Variants in TRIM45 observed in about 807,000 individuals in gnomAD.
TRIM45 encodes the protein tripartite motif containing 45.
A neutral mutation model predicts 46.7 loss-of-function variants in TRIM45; 45 were observed. That is an observed-to-expected ratio of 0.96 (90% CI 0.76 to 1.24). The LOEUF is 1.24. Among genes scored for constraint, TRIM45 ranks in the 50% most tolerant of loss-of-function variants. TRIM45 has a pLI of 0.00. For synonymous variants in TRIM45, 259 were observed against 285.8 expected (o/e 0.91, Z 0.94); for missense variants, 680 against 728.4 (o/e 0.93, Z 0.77).
At position 117,118,628 on chromosome 1, in the gene TRIM45, C is replaced by G; in HGVS notation, c.628G>C (p.Val210Leu). 1 of 1,614,104 alleles carries G rather than the reference C, an allele frequency of 6.2e-7. No individual in the cohort carries two copies. Among genetic ancestry groups the G allele is most frequent in the Non-Finnish European group, 8.5e-7 (1 of 1,180,042 alleles). Residue 210 changes from valine (V) to leucine (L), a missense_variant, in exon 2 of 6, where the codon GTG becomes CTG. Val to Leu is a conservative substitution (Grantham distance 32). This residue lies in a region of TRIM45 where 349 missense variants were observed against 343.6 expected (regional missense o/e 1.02). Coordinates refer to ENST00000256649, the MANE Select transcript of TRIM45 (RefSeq NM_025188.4). The surrounding 1 kb of genome is among the most constrained non-coding windows in gnomAD (Gnocchi z 5.7). ...TCCCCCACCACACAATCCTGGCACACGGGCCGGTCACAGAACTCACAGAAC... is the reference window on the plus strand; with the variant it reads ...TCCCCCACCACACAATCCTGGCACAGGGGCCGGTCACAGAACTCACAGAAC... ...RLFCEFCDRPVCQDCVVGEHR... is the reference protein window; with the variant it reads ...RLFCEFCDRPLCQDCVVGEHR...
At chr1:117,112,555 A>C (rs762143489) in intron 5 of TRIM45, 102 bp from the exon 6 acceptor site, 65 of 1,161,066 alleles carry the variant, frequency 5.6e-5, no homozygotes, top group Non-Finnish European at 7.3e-5. Flanking sequence ...ATGCAGATTC[A>C]TGGGAGTGAA....
rs770042941 is a variant in TRIM45 at position 117,112,372 on chromosome 1, T to G, written c.1676A>C (p.Lys559Thr). 1 of 1,614,078 alleles carries G rather than the reference T, an allele frequency of 6.2e-7. No individual in the cohort carries two copies. The highest frequency in any genetic ancestry group is 1.3e-5 in the African/African-American group (1 of 75,036). Reference sequence around the variant, plus strand: ...CCCACCTGTCCATGTGCATTCAGATTTCTCATTAAATTTTCCACAGCATGA... The same window carrying G: ...CCCACCTGTCCATGTGCATTCAGATGTCTCATTAAATTTTCCACAGCATGA... The part of the protein sequence containing the change: ...HWSCCGKFNE[K>T]SECTWTGGQS... Residue 559 changes from lysine (K) to threonine (T), a missense_variant, in exon 6 of 6, where the codon AAA becomes ACA. By Grantham distance (78) the Lys-to-Thr change is moderately conservative. Around this residue, in one of 3 missense-constraint regions of TRIM45, gnomAD observed 322 missense variants for 359.3 expected, o/e 0.90. Transcript: ENST00000256649.
In TRIM45 at chr1:117,114,249, A is replaced by C. The variant is rs578141806; in HGVS notation, c.1468-764T>G. On this transcript the variant is annotated intron_variant, in intron 4 of 5. Transcript: ENST00000256649. ...TAATTCTCAAATTAGTAACTCTCCC[A>C]TCTGCCCCCTTTCCTTTAAGGATAA... Among the ~76,000 whole-genome samples the C allele has an allele frequency of 6.2e-4, 94 of 152,302 alleles. 1 individual carries two copies. The highest frequency in any genetic ancestry group is 1.8e-3 in the Admixed American group (27 of 15,304).
At chr1:117,122,470 G>C (rs932599879), upstream of TRIM45, 1 of 152,360 alleles carries the variant, frequency 6.6e-6, no homozygotes, top group East Asian at 1.9e-4. Flanking sequence ...TACTTCGGCC[G>C]GGCCAGGGAG....
rs1178382601 is a variant in TRIM45 at position 117,121,384 on chromosome 1, G to C, written c.-183C>G. 1.5e-6 allele frequency: 1 copy of C among 673,226 alleles called. No individual in the cohort carries two copies. Among genetic ancestry groups the C allele is most frequent in the Non-Finnish European group, 2.4e-6 (1 of 411,058 alleles). The allele number at this position is 673,226 out of a possible 1,614,324, so 41.7% of individuals were successfully genotyped here. ...GGCGTCCTCGAAGGAATCACCCACA[G>C]ATCTACTCAGGAGGGCCCCCTCCTT... On this transcript the variant is annotated 5_prime_UTR_variant, in exon 1 of 6. In the 5' UTR this introduces an upstream ATG that the reference lacks. Transcript: ENST00000256649. The surrounding 1 kb of genome is among the most constrained non-coding windows in gnomAD (Gnocchi z 4.2).
At position 117,118,104 on chromosome 1, in the gene TRIM45, A is replaced by T. The variant is rs767246681; in HGVS notation, c.1152T>A (p.Arg384=). Residue 384 remains arginine (R), a synonymous_variant, in exon 2 of 6, where the codon CGT becomes CGA. Coordinates refer to ENST00000256649, the MANE Select transcript of TRIM45 (RefSeq NM_025188.4). The surrounding 1 kb of genome is among the most constrained non-coding windows in gnomAD (Gnocchi z 5.7). ...FCPQEKAGQC[R]GYEIYGTINT... is the part of the protein sequence containing the mutation. The stretch of plus-strand genomic sequence containing the variant: ...TAATCGTACCATAAATTTCATAGCC[A>T]CGGCACTGGCCTGCTTTCTCCTGAG... 9.9e-6 allele frequency: 16 copies of T among 1,614,190 alleles called. No individual in the cohort carries two copies. The South Asian group carries it at 1.6e-4, about 17-fold the overall frequency.
In TRIM45 at chr1:117,117,972, A is replaced by AT. The variant is rs1557847272; in HGVS notation, c.1222+61dup. ...TGCTTCCTAGCAGAACAAGCCACCA[A>AT]TCTTCACACACCACCTCCCTGTCCA... On this transcript the variant is annotated intron_variant, in intron 2 of 5. Transcript: ENST00000256649. This position sits in a 1 kb window ranked among gnomAD's most constrained non-coding sequence, Gnocchi z 4.9. The AT allele has an allele frequency of 1.9e-6, 3 of 1,561,874 alleles. No homozygotes were observed. The African/African-American group carries it at 4.1e-5, about 21-fold the overall frequency.
intron 1 of TRIM45, among the ~76,000 whole-genome samples, chr1:117,120,358 T>G (rs1004282502): frequency 6.6e-6 from 1 of 152,168 alleles, no homozygotes; most frequent in African/African-American, 2.4e-5. Context: ...TCTGTAAGAG[T>G]TGCAAGATCG....
rs1415569888 is a variant in TRIM45 at position 117,118,524 on chromosome 1, A to T, written c.732T>A (p.Gly244=). The T allele has an allele frequency of 1.9e-6, 3 of 1,614,070 alleles. No individual in the cohort carries two copies. In the East Asian group the frequency reaches 6.7e-5, roughly 36 times the overall value. Residue 244 remains glycine (G), a synonymous_variant, in exon 2 of 6, where the codon GGT becomes GGA. Transcript: ENST00000256649. This position sits in a 1 kb window ranked among gnomAD's most constrained non-coding sequence, Gnocchi z 5.7. The part of the protein sequence containing the change: ...HGDSVWELLK[G]TQPHVEALEE... ...CCAGGGCCTCCACGTGGGGCTGAGT[A>T]CCTTTGAGGAGCTCCCACACAGAGT... is the stretch of plus-strand genomic sequence containing the variant.
rs1443761086 is a variant in TRIM45 at position 117,116,998 on chromosome 1, G to A, written c.1223-253C>T. Reference sequence around the variant, plus strand: ...CCTTACCTTCAGTCCTAGGACTGAAGGTCCTATGCTTTAAAAATACTCACG... The same window carrying A: ...CCTTACCTTCAGTCCTAGGACTGAAAGTCCTATGCTTTAAAAATACTCACG... On this transcript the variant is annotated intron_variant, in intron 2 of 5. Transcript: ENST00000256649. This position sits in a 1 kb window ranked among gnomAD's most constrained non-coding sequence, Gnocchi z 4.6. 6.6e-6 allele frequency among the ~76,000 whole-genome samples: 1 copy of A among 151,906 alleles called. No homozygotes were observed. The highest frequency in any genetic ancestry group is 1.5e-5 in the Non-Finnish European group (1 of 67,970).
At chr1:117,123,771 A>C (rs967922312), upstream of TRIM45, among the ~76,000 whole-genome samples, 4 of 152,176 alleles carry the variant, frequency 2.6e-5, no homozygotes, top group Non-Finnish European at 4.4e-5. Flanking sequence ...CTGGAATTAC[A>C]GGCATGCACC....
chr1:117,118,347 C>T lies in TRIM45; in HGVS notation c.909G>A (p.Arg303=), dbSNP rs769726857. ...DKLLKQLEDI[R]AQKENSLQLQ... is the part of the protein sequence containing the mutation. ...GCTGCAGGGAATTTTCCTTCTGGGC[C>T]CGTATGTCTTCCAGCTGCTTCAGCA... Residue 303 remains arginine, a synonymous_variant, in exon 2 of 6, where the codon CGG becomes CGA. Transcript: ENST00000256649. This position sits in a 1 kb window ranked among gnomAD's most constrained non-coding sequence, Gnocchi z 5.7. 1.4e-5 allele frequency: 22 copies of T among 1,614,178 alleles called. No individual in the cohort carries two copies. The highest frequency in any genetic ancestry group is 1.8e-5 in the Non-Finnish European group (21 of 1,180,030).
At position 117,112,279 on chromosome 1, in the gene TRIM45, G is replaced by T; in HGVS notation, c.*26C>A. The T allele has an allele frequency of 6.5e-7, 1 of 1,530,306 alleles. No individual in the cohort carries two copies. The highest frequency in any genetic ancestry group is 2.4e-5 in the East Asian group (1 of 41,692). 94.8% of individuals were successfully genotyped at this position (1,530,306 alleles called of 1,614,324 possible). On this transcript the variant is annotated 3_prime_UTR_variant, in exon 6 of 6. Transcript: ENST00000256649. ...GAAATCTCAAGTGGTGCTGCCTGCAGCTTTAAAAGGCTGAGCACAAACCCA... is the reference window on the plus strand; with the variant it reads ...GAAATCTCAAGTGGTGCTGCCTGCATCTTTAAAAGGCTGAGCACAAACCCA...
At chr1:117,123,041 GAAAAAA>G (rs11355900), upstream of TRIM45, among the ~76,000 whole-genome samples, 1 of 140,778 alleles carries the variant, frequency 7.1e-6, no homozygotes, top group Non-Finnish European at 1.5e-5. Flanking sequence ...CCCAAAATAT[GAAAAAA>G]AAAAAAAAAA....
upstream of TRIM45, among the ~76,000 whole-genome samples, chr1:117,123,400 GGTA>G (rs1433413311): frequency 2.0e-5 from 3 of 152,054 alleles, no homozygotes; most frequent in African/African-American, 7.3e-5. Context: ...CATTTCTTGT[GGTA>G]GTAGTTTCAA....
chr1:117,112,862 T>C (rs1470562168), intron 5 of TRIM45, among the ~76,000 whole-genome samples: 1 of 152,240 alleles, frequency 6.6e-6, no homozygotes, highest in Non-Finnish European at 1.5e-5. Context: ...GCCCATTTTA[T>C]GGCCCATTAT....
chr1:117,118,802 G>A lies in TRIM45; in HGVS notation c.489-35C>T. On this transcript the variant is annotated intron_variant, in intron 1 of 5. Coordinates refer to ENST00000256649, the MANE Select transcript of TRIM45 (RefSeq NM_025188.4). The surrounding 1 kb of genome is among the most constrained non-coding windows in gnomAD (Gnocchi z 5.7). ...AACAGAATCAGTAACAGGAAATAAG[G>A]GGATAATTCTGTTGGGAATAGTTGG... 1 of 1,586,582 alleles carries A rather than the reference G, an allele frequency of 6.3e-7. No homozygotes were observed. The highest frequency in any genetic ancestry group is 1.1e-5 in the South Asian group (1 of 86,982).
chr1:117,116,787 T>A lies in TRIM45; in HGVS notation c.1223-42A>T, dbSNP rs765203838. 4.8e-5 allele frequency: 77 copies of A among 1,611,728 alleles called. No individual in the cohort carries two copies. Among genetic ancestry groups the A allele is most frequent in the South Asian group, 2.2e-4 (20 of 90,996 alleles). On this transcript the variant is annotated intron_variant, in intron 2 of 5. Coordinates refer to ENST00000256649, the MANE Select transcript of TRIM45 (RefSeq NM_025188.4). This position sits in a 1 kb window ranked among gnomAD's most constrained non-coding sequence, Gnocchi z 4.6. The stretch of plus-strand genomic sequence containing the variant: ...CTCGGTCCTCACCTCGAATGTAAAC[T>A]GCAGTGACTACATCTCCATCTTGCT...
At chr1:117,121,858 T>A (rs1382732914), upstream of TRIM45, 1 of 714,816 alleles carries the variant, frequency 1.4e-6, no homozygotes, top group South Asian at 1.5e-5. This position sits in a 1 kb window ranked among gnomAD's most constrained non-coding sequence, Gnocchi z 4.2. Context: ...GTGACGCCAC[T>A]AAGCATCCAA....
Sources: gnomAD v4.1 joint callset for allele counts (sites outside exome capture counted in the v4.1 genomes callset) on GRCh38, gnomAD v4.1.1 for gene constraint, gnomAD v4.1.1 regional missense constraint, Gnocchi (gnomAD v3.1) non-coding constraint, MANE v1.5 for transcripts, NCBI Gene and HGNC (gene_info 2026-07-23, HGNC 2026-07-21) for gene names.